ARID1B: variants seen among roughly 807,000 people sequenced by gnomAD.
The protein encoded by ARID1B is AT-rich interaction domain 1B, also known as AT-rich interactive domain-containing protein 1B.
ARID1B carries 30 observed loss-of-function variants against 212.3 expected under a neutral mutation model. The ratio of observed to expected loss-of-function variants is 0.14; its 90% CI spans 0.11 to 0.19. The LOEUF (loss-of-function observed/expected upper bound fraction) is 0.19, where lower values mean the gene tolerates loss of function less well. Ranked by LOEUF, ARID1B falls within the 10% of genes least tolerant of loss-of-function variation. The pLI, the probability that ARID1B is intolerant of heterozygous loss-of-function variation, is 1.00. For synonymous variants in ARID1B, 1,402 were observed against 1,301.7 expected (o/e 1.08, Z -1.66); for missense variants, 2,891 against 3,204.0 (o/e 0.90, Z 2.36).
rs143217830 is a variant in ARID1B, at chr6:157,142,825, A to T, written c.2762-5799A>T. Among the ~76,000 whole-genome samples, 11 of 151,990 alleles carry T rather than the reference A, an allele frequency of 7.2e-5. No homozygotes were observed. The East Asian group carries it at 2.1e-3, about 29-fold the overall frequency. The stretch of plus-strand genomic sequence containing the variant: ...GTAAGATTTCTGATTTATTGCATTC[A>T]CCTCCATTTTCTCCTCCATCATATA... On this transcript the variant is annotated intron_variant, in intron 7 of 19. Transcript: ENST00000636930.
rs887401258 is a variant in ARID1B at position 157,210,086 on chromosome 6, C to G, written c.*2195C>G. ...ATTGTGAGACGTGACTCTCCAGTGT[C>G]ACGAGGAAAAAAATCATCTTTTCTG... On this transcript the variant is annotated 3_prime_UTR_variant, in exon 20 of 20. Coordinates refer to ENST00000636930, the MANE Select transcript of ARID1B (RefSeq NM_001374828.1). 8.6e-6 allele frequency: 2 copies of G among 232,814 alleles called. No homozygotes were observed. The highest frequency in any genetic ancestry group is 1.7e-5 in the Non-Finnish European group (2 of 117,904). 14.4% of individuals were successfully genotyped at this position (232,814 alleles called of 1,614,324 possible). A position where few individuals can be genotyped will look rare whatever the true frequency, so the allele number is the denominator to read the frequency against.
At chr6:157,000,145 A>G (rs2128425543) in intron 4 of ARID1B, among the ~76,000 whole-genome samples, 1 of 152,310 alleles carries the variant, frequency 6.6e-6, no homozygotes, top group East Asian at 1.9e-4. Flanking sequence ...GCTGAGGAGA[A>G]GGCCCTGCTA....
At chr6:156,993,197 A>C (rs1778370786) in intron 4 of ARID1B, among the ~76,000 whole-genome samples, 1 of 152,098 alleles carries the variant, frequency 6.6e-6, no homozygotes, top group African/African-American at 2.4e-5. Flanking sequence ...AACCGCCATC[A>C]TGCCTGGCTA....
intron 4 of ARID1B, among the ~76,000 whole-genome samples, chr6:157,007,026 G>C (rs116516786): frequency 6.6e-6 from 1 of 152,170 alleles, no homozygotes; most frequent in South Asian, 2.1e-4. Context: ...TTGTAATTCT[G>C]CTTTTGAGAA....
intron 5 of ARID1B, among the ~76,000 whole-genome samples, chr6:157,085,715 A>T (rs1337645041): frequency 1.3e-5 from 2 of 152,028 alleles, no homozygotes; most frequent in African/African-American, 2.4e-5. Context: ...AAAAAAAAAA[A>T]GTGTATTGTG....
rs1168162235 is a variant in ARID1B at position 156,834,059 on chromosome 6, GA to G, written c.1986+4645del. Among the ~76,000 whole-genome samples, 6 of 152,146 alleles carry G rather than the reference GA, an allele frequency of 3.9e-5. No individual in the cohort carries two copies. The East Asian group carries it at 9.6e-4, about 24-fold the overall frequency. ...TAATTTATATTGTTGATCTATTCTG[GA>G]AAAAAATGTGTTTCTTTTAAATGTA... On this transcript the variant is annotated intron_variant, in intron 2 of 19. Transcript: ENST00000636930.
chr6:157,075,578 G>T (rs1426123451), intron 4 of ARID1B, among the ~76,000 whole-genome samples: 1 of 152,218 alleles, frequency 6.6e-6, no homozygotes, highest in African/African-American at 2.4e-5. Context: ...CCCTTCATGA[G>T]TAGAGTATGG....
intron 2 of ARID1B, among the ~76,000 whole-genome samples, chr6:156,872,566 G>A (rs1019250170): frequency 2.3e-4 from 35 of 152,088 alleles, no homozygotes; most frequent in African/African-American, 6.5e-4. Flanking sequence ...GGTGATCCGC[G>A]CGCCTCAGCC....
At chr6:156,813,477 A>G (rs992118809) in intron 1 of ARID1B, among the ~76,000 whole-genome samples, 3 of 152,110 alleles carry the variant, frequency 2.0e-5, no homozygotes, top group African/African-American at 7.2e-5. Flanking sequence ...TGTAGCATTC[A>G]TTCATTTTCA....
At chr6:157,024,905 T>C (rs1399022185) in intron 4 of ARID1B, among the ~76,000 whole-genome samples, 3 of 152,212 alleles carry the variant, frequency 2.0e-5, no homozygotes, top group Non-Finnish European at 4.4e-5. Flanking sequence ...GAAAAAGGTA[T>C]AGTGATGATG....
intron 4 of ARID1B, among the ~76,000 whole-genome samples, chr6:157,073,063 A>C (rs1784085805): frequency 6.6e-6 from 1 of 151,874 alleles, no homozygotes; most frequent in Admixed American, 6.6e-5. Flanking sequence ...TTGATAAAGA[A>C]TGGGATACAT....
At chr6:156,883,944 A>C (rs1181569496) in intron 2 of ARID1B, among the ~76,000 whole-genome samples, 1 of 152,220 alleles carries the variant, frequency 6.6e-6, no homozygotes. Context: ...AGGAGCCAGA[A>C]TCGCGGGACC....
chr6:157,110,799 C>T, intron 6 of ARID1B: 1 of 563,174 alleles, frequency 1.8e-6, no homozygotes. Flanking sequence ...ATGTGTGTGT[C>T]CACATAGCAC....
At chr6:157,048,389 T>C (rs1782380326) in intron 4 of ARID1B, among the ~76,000 whole-genome samples, 1 of 152,206 alleles carries the variant, frequency 6.6e-6, no homozygotes, top group Non-Finnish European at 1.5e-5. Context: ...ACCGAAGTAA[T>C]GCATCCTGTG....
chr6:156,973,874 A>G (rs895880761), intron 4 of ARID1B, among the ~76,000 whole-genome samples: 1 of 152,222 alleles, frequency 6.6e-6, no homozygotes, highest in African/African-American at 2.4e-5. Context: ...TCCTTCTTCA[A>G]AACCTCTTGA....
In ARID1B at chr6:157,079,798, G is replaced by A. The variant is rs142587580; in HGVS notation, c.2248-4864G>A. On this transcript the variant is annotated intron_variant, in intron 4 of 19. Transcript: ENST00000636930. ...TCATATCCATTTTGTCTTTAGCACC[G>A]CACTTGGCACAAGAAGTCACTACCC... Among the ~76,000 whole-genome samples, 1,498 of 152,196 alleles carry A rather than the reference G, an allele frequency of 9.8e-3. 26 individuals are homozygous for A. Among genetic ancestry groups the A allele is most frequent in the African/African-American group, 0.033 (1,372 of 41,510 alleles).
chr6:157,039,679 TTCCTTCCTTCCTTCCTTCTTTCTTTCC>T (rs1781647878), intron 4 of ARID1B, among the ~76,000 whole-genome samples: 1 of 99,220 alleles, frequency 1.0e-5, no homozygotes, highest in African/African-American at 3.5e-5. Context: ...CCTTCCTTCC[TTCCTTCCTTCCTTCCTTCTTTCTTTCC>T]TTTCTTTCCT....
chr6:156,897,264 C>CTTCTTCTTCTTATTATTATTATTATTA (rs71027320), intron 2 of ARID1B, among the ~76,000 whole-genome samples: 105 of 83,580 alleles, frequency 1.3e-3, no homozygotes, highest in Non-Finnish European at 1.8e-3. Context: ...TCTTCTTCTT[C>CTTCTTCTTCTTATTATTATTATTATTA]TTATTATTAT....
chr6:156,968,029 C>T (rs1311560234), intron 4 of ARID1B, among the ~76,000 whole-genome samples: 2 of 152,220 alleles, frequency 1.3e-5, no homozygotes, highest in African/African-American at 4.8e-5. Context: ...CCTCTTAGGT[C>T]ACACGTGACC....
Sources: gnomAD v4.1 joint callset for allele counts (sites outside exome capture counted in the v4.1 genomes callset) on GRCh38, gnomAD v4.1.1 for gene constraint, MANE v1.5 for transcripts, NCBI Gene and HGNC (gene_info 2026-07-23, HGNC 2026-07-21) for gene names.